The following PRKN variants were observed in gnomAD, a reference collection of about 807,000 sequenced individuals.
PRKN encodes parkin RBR E3 ubiquitin protein ligase.
In PRKN, 56 loss-of-function variants were observed where a neutral mutation model predicts 59.5. That is an observed-to-expected ratio of 0.94 (90% CI 0.76 to 1.18). The LOEUF (loss-of-function observed/expected upper bound fraction) is 1.18, where lower values mean the gene tolerates loss of function less well. Ranked by LOEUF, PRKN falls within the 50% of genes most tolerant of loss-of-function variation. The pLI is 0.00. For synonymous variants in PRKN, 250 were observed against 222.1 expected, an observed-to-expected ratio of 1.13 and a Z score of -1.12; for missense variants, 657 against 596.4, an observed-to-expected ratio of 1.10 and a Z score of -1.06.
At chr6:162,486,824 T>C (rs1172895686) in intron 1 of PRKN, among the ~76,000 whole-genome samples, 1 of 151,996 alleles carries the variant, frequency 6.6e-6, no homozygotes. Flanking sequence ...AATACCAGCA[T>C]ATTGGGAGGC....
rs764922852 is a variant in PRKN, at chr6:162,473,178, G to T, written c.8-29705C>A. Among the ~76,000 whole-genome samples the T allele has an allele frequency of 7.2e-4, 109 of 152,180 alleles. 2 individuals are homozygous for T. Among genetic ancestry groups the T allele is most frequent in the Middle Eastern group, 3.4e-3 (1 of 294 alleles). ...GTTATCTACTCTGAAGTCATTTTAA[G>T]CCTTTCCCTTTGCTAGGATGCTTAC... is the stretch of plus-strand genomic sequence containing the variant. On this transcript the variant is annotated intron_variant, in intron 1 of 11. Coordinates refer to ENST00000366898, the MANE Select transcript of PRKN (RefSeq NM_004562.3).
rs1229689972 is a variant in PRKN, at chr6:161,875,062, T to C, written c.735-89154A>G. Among the ~76,000 whole-genome samples the C allele has an allele frequency of 4.1e-5, 5 of 122,256 alleles. 1 individual carries two copies. The highest frequency in any genetic ancestry group is 1.4e-4 in the African/African-American group (4 of 28,926). 80.2% of individuals were successfully genotyped at this position (122,256 alleles called of 152,430 possible). A position where few individuals can be genotyped will look rare whatever the true frequency, so the allele number is the denominator to read the frequency against. On this transcript the variant is annotated intron_variant, in intron 6 of 11. Transcript: ENST00000366898. ...AATTATATATTATATATAAAGTATA[T>C]ACATTATATATAAAGTATATATGAT...
intron 9 of PRKN, among the ~76,000 whole-genome samples, chr6:161,524,928 C>T (rs558865707): frequency 1.2e-4 from 19 of 152,192 alleles, no homozygotes; most frequent in Middle Eastern, 3.4e-3. Flanking sequence ...TCCTTGCATC[C>T]GTTTGATGTA....
intron 4 of PRKN, among the ~76,000 whole-genome samples, chr6:162,183,049 G>A (rs1164882450): frequency 1.3e-5 from 2 of 152,000 alleles, no homozygotes; most frequent in Non-Finnish European, 2.9e-5. Flanking sequence ...AGGATACTTG[G>A]TTAATGTATA....
At position 161,530,801 on chromosome 6, in the gene PRKN, A is replaced by G. The variant is rs1009475302; in HGVS notation, c.1083+18053T>C. ...CCAAAGTGCTGGGATTACAGGCGTG[A>G]GCCACCACACCTGGCCCAAGGCTTG... On this transcript the variant is annotated intron_variant, in intron 9 of 11. Transcript: ENST00000366898. This position sits in a 1 kb window ranked among gnomAD's most constrained non-coding sequence, Gnocchi z 5.0. Among the ~76,000 whole-genome samples, 9 of 151,834 alleles carry G rather than the reference A, an allele frequency of 5.9e-5. No individual in the cohort carries two copies. The highest frequency in any genetic ancestry group is 2.2e-4 in the African/African-American group (9 of 41,366).
intron 6 of PRKN, among the ~76,000 whole-genome samples, chr6:161,792,820 G>A (rs2128208424): frequency 6.6e-6 from 1 of 152,250 alleles, no homozygotes; most frequent in East Asian, 1.9e-4. Flanking sequence ...ATTAAAAGAG[G>A]AAAGCTACAC....
In PRKN at chr6:161,385,615, C is replaced by T. The variant is rs1016138974; in HGVS notation, c.1167+1179G>A. Among the ~76,000 whole-genome samples the T allele has an allele frequency of 6.6e-6, 1 of 152,164 alleles. No homozygotes were observed. ...TGCCAGAGTATCACTTTGTGGAAGC[C>T]TCTGCCATGTTTGCAGTCTCAGAGC... is the stretch of plus-strand genomic sequence containing the variant. On this transcript the variant is annotated intron_variant, in intron 10 of 11. Coordinates refer to ENST00000366898, the MANE Select transcript of PRKN (RefSeq NM_004562.3). The surrounding 1 kb of genome is among the most constrained non-coding windows in gnomAD (Gnocchi z 4.9).
intron 4 of PRKN, among the ~76,000 whole-genome samples, chr6:162,129,784 T>C (rs1781270205): frequency 6.6e-6 from 1 of 152,192 alleles, no homozygotes; most frequent in Non-Finnish European, 1.5e-5. Context: ...TGATATATAA[T>C]GGCCTACTTC....
At chr6:161,516,488 AAAAAAG>A (rs1221771081) in intron 9 of PRKN, among the ~76,000 whole-genome samples, 4 of 119,784 alleles carry the variant, frequency 3.3e-5, no homozygotes, top group East Asian at 4.2e-4. Flanking sequence ...AAAAAAAAAA[AAAAAAG>A]AAGAAGAAGA....
chr6:161,444,677 G>A lies in PRKN; in HGVS notation c.1084-57800C>T, dbSNP rs1267766097. ...GTCTGCGGGTAGCGAGGGCTCCTGA[G>A]TAACAGCGAGCTTTGCACGAGCGCT... On this transcript the variant is annotated intron_variant, in intron 9 of 11. Coordinates refer to ENST00000366898, the MANE Select transcript of PRKN (RefSeq NM_004562.3). This position sits in a 1 kb window ranked among gnomAD's most constrained non-coding sequence, Gnocchi z 5.6. Among the ~76,000 whole-genome samples the A allele has an allele frequency of 1.3e-5, 2 of 152,222 alleles. No individual in the cohort carries two copies. Among genetic ancestry groups the A allele is most frequent in the African/African-American group, 4.8e-5 (2 of 41,458 alleles).
intron 6 of PRKN, among the ~76,000 whole-genome samples, chr6:161,850,574 CA>C (rs10651778): frequency 3.6e-3 from 314 of 88,256 alleles, no homozygotes; most frequent in African/African-American, 8.6e-3. Flanking sequence ...GACTACGTCT[CA>C]AAAAAAAAAA....
intron 7 of PRKN, among the ~76,000 whole-genome samples, chr6:161,724,063 A>G (rs2128186193): frequency 6.6e-6 from 1 of 152,320 alleles, no homozygotes; most frequent in South Asian, 2.1e-4. Flanking sequence ...TTCTCCATTC[A>G]GTGATGCTGG....
intron 7 of PRKN, among the ~76,000 whole-genome samples, chr6:161,751,520 C>T (rs1441318785): frequency 6.6e-6 from 1 of 152,120 alleles, no homozygotes; most frequent in Non-Finnish European, 1.5e-5. Context: ...TATGTTGATG[C>T]CTTTAAAAGT....
In PRKN at chr6:161,388,927, A is replaced by G. The variant is rs1462584431; in HGVS notation, c.1084-2050T>C. On this transcript the variant is annotated intron_variant, in intron 9 of 11. Transcript: ENST00000366898. The surrounding 1 kb of genome is among the most constrained non-coding windows in gnomAD (Gnocchi z 4.3). ...ATCATTAAAGTTTAGGGTGGTTTTT[A>G]CACAGCAATAAATAACTGATACAGT... 1.3e-5 allele frequency among the ~76,000 whole-genome samples: 2 copies of G among 152,234 alleles called. No homozygotes were observed. The highest frequency in any genetic ancestry group is 1.3e-4 in the Admixed American group (2 of 15,278).
At chr6:161,773,634 G>A (rs1217458007) in intron 7 of PRKN, among the ~76,000 whole-genome samples, 3 of 152,140 alleles carry the variant, frequency 2.0e-5, no homozygotes, top group African/African-American at 7.2e-5. Context: ...CTTTGCATAA[G>A]TAATAAATTT....
intron 4 of PRKN, among the ~76,000 whole-genome samples, chr6:162,169,580 A>G (rs1783161897): frequency 6.6e-6 from 1 of 152,224 alleles, no homozygotes; most frequent in South Asian, 2.1e-4. Context: ...TTAGCTGATT[A>G]GCATGCCCTG....
intron 10 of PRKN, among the ~76,000 whole-genome samples, chr6:161,366,878 G>A (rs1431163680): frequency 2.0e-5 from 3 of 151,122 alleles, no homozygotes; most frequent in Admixed American, 6.6e-5. Context: ...TGCTGTAATT[G>A]TGAAGGCTAC....
chr6:161,525,379 C>G lies in PRKN; in HGVS notation c.1083+23475G>C, dbSNP rs1778980432. 6.6e-6 allele frequency among the ~76,000 whole-genome samples: 1 copy of G among 152,170 alleles called. No individual in the cohort carries two copies. Among genetic ancestry groups the G allele is most frequent in the African/African-American group, 2.4e-5 (1 of 41,444 alleles). ...GAGGACTTTCCTCCTGGAGCCTAGC[C>G]TGCCAGTGAGTAGGCTGCTCTGATC... is the stretch of plus-strand genomic sequence containing the variant. On this transcript the variant is annotated intron_variant, in intron 9 of 11. Coordinates refer to ENST00000366898, the MANE Select transcript of PRKN (RefSeq NM_004562.3). The surrounding 1 kb of genome is among the most constrained non-coding windows in gnomAD (Gnocchi z 4.7).
At chr6:162,065,548 CTTTT>C (rs1778298516) in intron 4 of PRKN, among the ~76,000 whole-genome samples, 1 of 150,832 alleles carries the variant, frequency 6.6e-6, no homozygotes, top group Non-Finnish European at 1.5e-5. Flanking sequence ...CAATTCTTTT[CTTTT>C]TCTTTTTTTT....
Sources: allele counts gnomAD v4.1 joint callset (sites outside exome capture counted in the v4.1 genomes callset), GRCh38; gene constraint gnomAD v4.1.1; non-coding constraint Gnocchi (gnomAD v3.1); transcripts MANE v1.5; gene names NCBI Gene and HGNC (gene_info 2026-07-23, HGNC 2026-07-21).